Variants in DAD1 observed in about 807,000 individuals in gnomAD.
DAD1 encodes the protein dolichyl-diphosphooligosaccharide--protein glycosyltransferase subunit DAD1.
A neutral mutation model predicts 9.0 loss-of-function variants in DAD1; 4 were observed. The observed-to-expected ratio is 0.44, with a 90% CI of 0.22 to 1.01. The LOEUF (loss-of-function observed/expected upper bound fraction) is 1.01. Among genes scored for constraint, DAD1 ranks in the 50% least tolerant of loss-of-function variants. The pLI, the probability that DAD1 is intolerant of heterozygous loss-of-function variation, is 0.24. For missense variants in DAD1, 119 were observed against 137.3 expected (o/e 0.87, Z 0.67); for synonymous variants, 60 against 62.5 (o/e 0.96, Z 0.19).
At chr14:22,575,628 A>AT (rs1341208561) in intron 1 of DAD1, among the ~76,000 whole-genome samples, 1 of 152,154 alleles carries the variant, frequency 6.6e-6, no homozygotes, top group Admixed American at 6.5e-5. Flanking sequence ...GCTCACTGCA[A>AT]TCTCCACCTG....
intron 1 of DAD1, among the ~76,000 whole-genome samples, chr14:22,583,214 T>G (rs772448115): frequency 4.0e-5 from 6 of 151,552 alleles, no homozygotes; most frequent in Non-Finnish European, 7.4e-5. Context: ...GGAGTAGTTG[T>G]AGGTATACAG....
intron 1 of DAD1, among the ~76,000 whole-genome samples, chr14:22,584,914 T>C (rs1234157323): frequency 1.3e-5 from 2 of 152,222 alleles, no homozygotes; most frequent in African/African-American, 4.8e-5. Context: ...GTAAGGAGGA[T>C]TACAGTAGTC....
intron 2 of DAD1, chr14:22,567,293 A>C (rs2037007600): frequency 6.6e-6 from 1 of 152,246 alleles, no homozygotes; most frequent in Admixed American, 6.5e-5. Context: ...CTCTATTCAG[A>C]CACTAGCACT....
intron 1 of DAD1, 84 bp from the exon 2 acceptor site, chr14:22,575,317 C>T: frequency 6.9e-7 from 1 of 1,459,070 alleles, no homozygotes; most frequent in Non-Finnish European, 9.3e-7. Flanking sequence ...ACCCGAGGAC[C>T]CAACAATTCT....
chr14:22,568,304 A>G (rs961819044), intron 2 of DAD1, among the ~76,000 whole-genome samples: 2 of 152,238 alleles, frequency 1.3e-5, no homozygotes, highest in Non-Finnish European at 2.9e-5. Flanking sequence ...TGAATCCTAC[A>G]AGCCTGTTAA....
At chr14:22,576,468 G>A (rs974969380) in intron 1 of DAD1, among the ~76,000 whole-genome samples, 2 of 151,920 alleles carry the variant, frequency 1.3e-5, no homozygotes, top group African/African-American at 4.8e-5. Flanking sequence ...AACTCGAAAC[G>A]GATCAAAGAC....
At chr14:22,574,583 T>C (rs527433321) in intron 2 of DAD1, among the ~76,000 whole-genome samples, 1 of 152,320 alleles carries the variant, frequency 6.6e-6, no homozygotes, top group South Asian at 2.1e-4. Flanking sequence ...ATTTCCCCAT[T>C]TATTTCTACT....
intron 2 of DAD1, among the ~76,000 whole-genome samples, chr14:22,570,212 A>G (rs1373693300): frequency 6.6e-6 from 1 of 152,220 alleles, no homozygotes; most frequent in African/African-American, 2.4e-5. Context: ...CATTGAGAAT[A>G]AAAGACGTAG....
chr14:22,566,951 A>G (rs1594878764), intron 2 of DAD1: 1 of 152,332 alleles, frequency 6.6e-6, no homozygotes, highest in East Asian at 1.9e-4. Flanking sequence ...ATTCTTTGAA[A>G]TATTAGCTCA....
At chr14:22,586,797 G>A (rs994186502) in intron 1 of DAD1, among the ~76,000 whole-genome samples, 1 of 152,122 alleles carries the variant, frequency 6.6e-6, no homozygotes, top group Admixed American at 6.6e-5. Flanking sequence ...GATGATCTAG[G>A]CTAACAAATG....
chr14:22,569,648 G>A (rs1011785116), intron 2 of DAD1, among the ~76,000 whole-genome samples: 1 of 152,170 alleles, frequency 6.6e-6, no homozygotes, highest in African/African-American at 2.4e-5. Context: ...CAAGCTGGGA[G>A]GATGGAGAAA....
intron 2 of DAD1, among the ~76,000 whole-genome samples, chr14:22,569,709 T>C (rs923818266): frequency 6.6e-6 from 1 of 152,224 alleles, no homozygotes; most frequent in African/African-American, 2.4e-5. Context: ...TAAATCTATT[T>C]CGATATTCTT....
At chr14:22,571,005 G>C (rs2037034661) in intron 2 of DAD1, among the ~76,000 whole-genome samples, 1 of 119,522 alleles carries the variant, frequency 8.4e-6, no homozygotes, top group Non-Finnish European at 1.6e-5. Context: ...GAGATGGACT[G>C]AGATTTTTTT....
At chr14:22,579,291 A>G (rs746579196) in intron 1 of DAD1, among the ~76,000 whole-genome samples, 4 of 152,122 alleles carry the variant, frequency 2.6e-5, no homozygotes, top group Non-Finnish European at 5.9e-5. Context: ...ATAAATTATT[A>G]CATTGCTTAA....
chr14:22,581,947 A>G (rs1003280873), intron 1 of DAD1, among the ~76,000 whole-genome samples: 1 of 152,024 alleles, frequency 6.6e-6, no homozygotes, highest in African/African-American at 2.4e-5. Flanking sequence ...TCACGCCTGT[A>G]ATCCCAGCAC....
At chr14:22,571,959 C>A (rs1173352731) in intron 2 of DAD1, among the ~76,000 whole-genome samples, 1 of 152,158 alleles carries the variant, frequency 6.6e-6, no homozygotes, top group Non-Finnish European at 1.5e-5. Context: ...AACTTCAGTT[C>A]CTCATCTGTA....
rs116533677 is a variant in DAD1, at chr14:22,583,791, C to T, written c.211+5156G>A. Among the ~76,000 whole-genome samples the T allele has an allele frequency of 3.5e-3, 536 of 152,130 alleles. 4 individuals carry two copies. Among genetic ancestry groups the T allele is most frequent in the African/African-American group, 0.012 (513 of 41,466 alleles). On this transcript the variant is annotated intron_variant, in intron 1 of 2. Transcript: ENST00000250498. ...CTTTCACAGGAAAGAGACACATCAT[C>T]CACCATGAGAAGTCAGAGAGTATGG...
chr14:22,584,622 G>C (rs2037140177), intron 1 of DAD1, among the ~76,000 whole-genome samples: 1 of 152,136 alleles, frequency 6.6e-6, no homozygotes, highest in Non-Finnish European at 1.5e-5. Flanking sequence ...AATTTTGAAG[G>C]CAGTCAAGCA....
At chr14:22,586,967 A>C (rs5742745) in intron 1 of DAD1, among the ~76,000 whole-genome samples, 21,198 of 152,078 alleles carry the variant, frequency 0.14, 1,527 homozygotes, top group Middle Eastern at 0.2. Context: ...GGAAATCCTA[A>C]TCCCCCTTAT....
Sources: allele counts gnomAD v4.1 joint callset (sites outside exome capture counted in the v4.1 genomes callset), GRCh38; gene constraint gnomAD v4.1.1; transcripts MANE v1.5; gene names NCBI Gene and HGNC (gene_info 2026-07-23, HGNC 2026-07-21).